The following LIN28B variants were observed in gnomAD, a reference collection of about 807,000 sequenced individuals.
LIN28B encodes the protein protein lin-28 homolog B.
Under a neutral mutation model 21.9 loss-of-function variants are expected in LIN28B, and 5 were observed. That is an observed-to-expected ratio of 0.23 (90% confidence interval 0.12 to 0.48). The LOEUF (loss-of-function observed/expected upper bound fraction) is 0.48. LIN28B is among the 20% of genes least tolerant of loss of function. The probability of loss-of-function intolerance (pLI) is 0.98; values close to 1 mark genes in which losing one functional copy is unlikely to be tolerated. For synonymous variants in LIN28B, 109 were observed against 111.3 expected (o/e 0.98, Z 0.13); for missense variants, 245 against 310.5 (o/e 0.79, Z 1.58).
rs1206033093 is a variant in LIN28B at position 104,975,250 on chromosome 6, A to G, written c.198+16964A>G. Among the ~76,000 whole-genome samples, 7 of 152,212 alleles carry G rather than the reference A, an allele frequency of 4.6e-5. No individual in the cohort carries two copies. In the East Asian group the frequency reaches 1.3e-3, roughly 29 times the overall value. ...ATAGAGTAATATCTTATCTTTGATT[A>G]TTCTATAATAGAATATCTAATATTT... is the stretch of plus-strand genomic sequence containing the variant. On this transcript the variant is annotated intron_variant, in intron 2 of 3. Coordinates refer to ENST00000345080, the MANE Select transcript of LIN28B (RefSeq NM_001004317.4).
intron 3 of LIN28B, among the ~76,000 whole-genome samples, chr6:105,078,135 A>G (rs939691818): frequency 6.6e-6 from 1 of 152,222 alleles, no homozygotes; most frequent in Admixed American, 6.5e-5. Flanking sequence ...TCCTTTCTAT[A>G]TGGAAGTGAT....
At chr6:105,001,628 G>T (rs1308527332) in intron 2 of LIN28B, among the ~76,000 whole-genome samples, 1 of 152,178 alleles carries the variant, frequency 6.6e-6, no homozygotes, top group Non-Finnish European at 1.5e-5. Flanking sequence ...GAGAACGGAA[G>T]AATTATTAAC....
At chr6:104,951,169 A>G (rs957099934) in intron 3 of LIN28B, among the ~76,000 whole-genome samples, 4 of 152,142 alleles carry the variant, frequency 2.6e-5, no homozygotes, top group Admixed American at 1.3e-4. Flanking sequence ...TTTAGTAACA[A>G]TCTTATTTGA....
intron 3 of LIN28B, among the ~76,000 whole-genome samples, chr6:105,057,877 T>G (rs923391039): frequency 6.6e-6 from 1 of 152,152 alleles, no homozygotes; most frequent in African/African-American, 2.4e-5. Context: ...GACCTAGTAG[T>G]GTTAAGAAGT....
At chr6:105,024,151 G>A (rs1026150715) in intron 2 of LIN28B, among the ~76,000 whole-genome samples, 3 of 152,032 alleles carry the variant, frequency 2.0e-5, no homozygotes, top group African/African-American at 7.2e-5. Flanking sequence ...ACCACACCTG[G>A]CTAATTTTTT....
chr6:104,957,998 C>A, intron 1 of LIN28B, 101 bp from the exon 2 acceptor site: 4 of 762,478 alleles, frequency 5.2e-6, no homozygotes, highest in Non-Finnish European at 7.6e-6. Flanking sequence ...TTTTCTGTTA[C>A]CCTTCCCCCC....
chr6:104,938,306 T>G (rs2114534665), intron 2 of LIN28B, among the ~76,000 whole-genome samples: 1 of 151,890 alleles, frequency 6.6e-6, no homozygotes, highest in African/African-American at 2.4e-5. Context: ...GGTAGAGGGA[T>G]TCACTTTTAT....
intron 2 of LIN28B, among the ~76,000 whole-genome samples, chr6:104,979,629 C>G (rs1770178966): frequency 6.7e-6 from 1 of 149,928 alleles, no homozygotes; most frequent in Non-Finnish European, 1.5e-5. Context: ...GGTATTTATG[C>G]TATTAGCTTA....
In LIN28B at chr6:104,958,080, T is replaced by C; in HGVS notation, c.11-19T>C. 1 of 1,526,028 alleles carries C rather than the reference T, an allele frequency of 6.6e-7. No individual in the cohort carries two copies. Among genetic ancestry groups the C allele is most frequent in the African/African-American group, 1.4e-5 (1 of 73,424 alleles). 94.5% of individuals were successfully genotyped at this position (1,526,028 alleles called of 1,614,324 possible). On this transcript the variant is annotated intron_variant, in intron 1 of 3. Coordinates refer to ENST00000345080, the MANE Select transcript of LIN28B (RefSeq NM_001004317.4). ...TGAATGGGAATACAGACTGACTTTT[T>C]TGTCCTGTTCCTTCTCAGGCGGGGC...
chr6:105,031,605 C>T (rs1771426263), intron 3 of LIN28B, among the ~76,000 whole-genome samples: 1 of 151,074 alleles, frequency 6.6e-6, no homozygotes, highest in African/African-American at 2.4e-5. Flanking sequence ...GCAGTCTTGG[C>T]TCACTGCAAG....
intron 2 of LIN28B, 125 bp from the exon 3 acceptor site, chr6:105,026,173 A>C (rs1771283860): frequency 2.0e-6 from 1 of 509,460 alleles, no homozygotes; most frequent in Non-Finnish European, 3.3e-6. Flanking sequence ...CACTGAACTT[A>C]AGACTTTATA....
chr6:104,938,918 G>A (rs1384339438), intron 2 of LIN28B, among the ~76,000 whole-genome samples: 1 of 151,948 alleles, frequency 6.6e-6, no homozygotes, highest in African/African-American at 2.4e-5. Flanking sequence ...TTGAGTGCTG[G>A]GATACTAACC....
upstream of LIN28B, among the ~76,000 whole-genome samples, chr6:104,952,357 C>G (rs2114555251): frequency 6.6e-6 from 1 of 152,216 alleles, no homozygotes; most frequent in East Asian, 1.9e-4. Context: ...TAATGTAAAA[C>G]TTAGTACTAA....
chr6:105,032,906 GTT>G (rs1771453432), intron 3 of LIN28B, among the ~76,000 whole-genome samples: 1 of 151,786 alleles, frequency 6.6e-6, no homozygotes, highest in South Asian at 2.1e-4. Flanking sequence ...TGGGTTGTGT[GTT>G]TTCTTATTGC....
At chr6:105,054,845 C>CT (rs11392418) in intron 3 of LIN28B, among the ~76,000 whole-genome samples, 16,221 of 137,390 alleles carry the variant, frequency 0.12, 1,024 homozygotes, top group African/African-American at 0.17. Context: ...ACCTGAACAA[C>CT]TTTTTTTTTT....
chr6:104,973,317 C>G (rs1370258209), intron 2 of LIN28B, among the ~76,000 whole-genome samples: 1 of 151,992 alleles, frequency 6.6e-6, no homozygotes, highest in Non-Finnish European at 1.5e-5. Flanking sequence ...ATAATGTTTT[C>G]AGAGTGAGAA....
chr6:105,063,636 G>GGC (rs1772166358), intron 3 of LIN28B, among the ~76,000 whole-genome samples: 1 of 73,670 alleles, frequency 1.4e-5, no homozygotes, highest in East Asian at 4.9e-4. Context: ...ACTCCATCTC[G>GGC]GGGGGGGGGG....
At chr6:104,994,195 G>C (rs574312796) in intron 2 of LIN28B, among the ~76,000 whole-genome samples, 1 of 151,958 alleles carries the variant, frequency 6.6e-6, no homozygotes, top group South Asian at 2.1e-4. Context: ...TAGTAGAGAC[G>C]GCATTTCACT....
chr6:104,993,786 G>A (rs1770542755), intron 2 of LIN28B, among the ~76,000 whole-genome samples: 1 of 145,010 alleles, frequency 6.9e-6, no homozygotes, highest in African/African-American at 2.6e-5. Context: ...GGTGAGCCGA[G>A]ATTGAGTCAC....
Sources: allele counts gnomAD v4.1 joint callset (sites outside exome capture counted in the v4.1 genomes callset), GRCh38; gene constraint gnomAD v4.1.1; transcripts MANE v1.5; gene names NCBI Gene and HGNC (gene_info 2026-07-23, HGNC 2026-07-21).